Variants in GRK3 observed in about 807,000 individuals in gnomAD.
The protein encoded by GRK3 is G protein-coupled receptor kinase 3.
Under a neutral mutation model 95.7 loss-of-function variants are expected in GRK3, and 54 were observed. The ratio of observed to expected loss-of-function variants is 0.56; its 90% CI spans 0.45 to 0.71. The LOEUF is 0.71. GRK3 is among the 30% of genes least tolerant of loss of function. The pLI, the probability that GRK3 is intolerant of heterozygous loss-of-function variation, is 0.00. For synonymous variants in GRK3, 281 were observed against 290.8 expected, an observed-to-expected ratio of 0.97 and a Z score of 0.34; for missense variants, 649 against 851.2, an observed-to-expected ratio of 0.76 and a Z score of 2.96.
chr22:25,626,209 G>T (rs913996308), intron 2 of GRK3, among the ~76,000 whole-genome samples: 2 of 152,174 alleles, frequency 1.3e-5, no homozygotes, highest in South Asian at 4.1e-4. Context: ...GATTACAGGC[G>T]TGAGCCACCG....
chr22:25,693,358 C>G (rs1402303084), intron 12 of GRK3, among the ~76,000 whole-genome samples: 1 of 152,180 alleles, frequency 6.6e-6, no homozygotes, highest in Non-Finnish European at 1.5e-5. Flanking sequence ...GGTCTGCATT[C>G]ATTTATCTTA....
Position 25,722,446 on chromosome 22 carries a change from T to C in GRK3, c.2063T>C (p.Leu688Pro). Residue 688 changes from leucine (L) to proline (P), a missense_variant, in exon 21 of 21, where the codon CTC becomes CCC. By Grantham distance (98) the Leu-to-Pro change is moderately conservative (BLOSUM62 -3). This residue lies in a region of GRK3 where 382 missense variants were observed against 493.8 expected (regional missense o/e 0.77). Transcript: ENST00000324198. ...PSLCHRNSNG[L>P] ...CTCTGTCACAGAAACAGCAACGGCC[T>C]CTAGCACCCAGAAACAGGGAGGGTC... The C allele has an allele frequency of 2.5e-6, 4 of 1,613,964 alleles. No homozygotes were observed. The highest frequency in any genetic ancestry group is 3.4e-6 in the Non-Finnish European group (4 of 1,179,898).
intron 17 of GRK3, among the ~76,000 whole-genome samples, chr22:25,713,647 A>G (rs906257455): frequency 1.3e-5 from 2 of 152,254 alleles, no homozygotes; most frequent in African/African-American, 4.8e-5. Flanking sequence ...CAGGCTTGCT[A>G]GTATTTCTGC....
chr22:25,666,237 A>T (rs2084940988), intron 5 of GRK3, among the ~76,000 whole-genome samples: 1 of 152,228 alleles, frequency 6.6e-6, no homozygotes, highest in Non-Finnish European at 1.5e-5. Context: ...GATGTTTGAT[A>T]AAATATGAAA....
At chr22:25,647,969 A>C (rs976161588) in intron 3 of GRK3, among the ~76,000 whole-genome samples, 7 of 151,996 alleles carry the variant, frequency 4.6e-5, no homozygotes, top group African/African-American at 1.7e-4. Flanking sequence ...GTACAAAATT[A>C]GCTGGACGTG....
intron 15 of GRK3, among the ~76,000 whole-genome samples, chr22:25,707,813 A>C (rs553192178): frequency 6.6e-6 from 1 of 152,270 alleles, no homozygotes. Context: ...GGTGGGCAGG[A>C]CTAGAGGTCA....
chr22:25,697,830 A>G (rs1251306567), intron 13 of GRK3, among the ~76,000 whole-genome samples: 5 of 152,226 alleles, frequency 3.3e-5, no homozygotes, highest in Non-Finnish European at 7.3e-5. Context: ...GAATCTTTCC[A>G]GTGCTTGATA....
chr22:25,575,348 C>T (rs1017896826), intron 1 of GRK3, among the ~76,000 whole-genome samples: 4 of 152,200 alleles, frequency 2.6e-5, no homozygotes, highest in African/African-American at 7.2e-5. Context: ...CAGATAGAAA[C>T]AGCAGGGCAA....
chr22:25,628,804 T>A (rs1219983726), intron 2 of GRK3, among the ~76,000 whole-genome samples: 2 of 152,126 alleles, frequency 1.3e-5, no homozygotes, highest in Non-Finnish European at 2.9e-5. Flanking sequence ...GCATGAGGCT[T>A]TTCTCCATGC....
chr22:25,565,373 C>T (rs532240377), intron 1 of GRK3, among the ~76,000 whole-genome samples: 1 of 152,246 alleles, frequency 6.6e-6, no homozygotes, highest in South Asian at 2.1e-4. Flanking sequence ...TCCAAAGTGC[C>T]CGGCGCGGCG....
intron 16 of GRK3, 23 bp from the exon 17 acceptor site, chr22:25,711,045 C>T (rs937228092): frequency 4.6e-6 from 7 of 1,515,140 alleles, no homozygotes; most frequent in Non-Finnish European, 5.5e-6. Flanking sequence ...GAAAACTGTA[C>T]CATGCTTGTT....
At chr22:25,575,708 A>G (rs113506878) in intron 1 of GRK3, among the ~76,000 whole-genome samples, 2,990 of 152,328 alleles carry the variant, frequency 0.02, 44 homozygotes, top group Non-Finnish European at 0.028. Flanking sequence ...TAGTTTTTAC[A>G]ATTATGCTTG....
chr22:25,704,119 T>C lies in GRK3; in HGVS notation c.1238T>C (p.Leu413Pro), dbSNP rs770911641. 6.2e-7 allele frequency: 1 copy of C among 1,611,236 alleles called. No individual in the cohort carries two copies. The highest frequency in any genetic ancestry group is 8.5e-7 in the Non-Finnish European group (1 of 1,178,606). ...DRMTLTVNVE[L>P]PDTFSPELKS... ...TCGTCTTTTCCCCAGAATGTGGAAC[T>C]TCCAGACACCTTCTCTCCTGAACTG... The change falls in exon 15 of 21, where the codon CTT becomes CCT. Residue 413 changes from leucine to proline, a missense_variant. Around this residue, in one of 3 missense-constraint regions of GRK3, gnomAD observed 382 missense variants for 493.8 expected, o/e 0.77. Coordinates refer to ENST00000324198, the MANE Select transcript of GRK3 (RefSeq NM_005160.4).
In GRK3 at chr22:25,685,336, A is replaced by T. The variant is rs1038327120; in HGVS notation, c.826+88A>T. 4.4e-5 allele frequency: 44 copies of T among 1,005,786 alleles called. No homozygotes were observed. In the East Asian group the frequency reaches 7.9e-4, roughly 18 times the overall value. 62.3% of individuals were successfully genotyped at this position (1,005,786 alleles called of 1,614,324 possible). On this transcript the variant is annotated intron_variant, in intron 10 of 20. Coordinates refer to ENST00000324198, the MANE Select transcript of GRK3 (RefSeq NM_005160.4). ...ATGCATTAATCTAGGCAGACTGGCA[A>T]TGTGGGTCTTTCAGGTAATTAGGTT...
At chr22:25,686,341 T>C (rs577414691) in intron 10 of GRK3, among the ~76,000 whole-genome samples, 1 of 152,252 alleles carries the variant, frequency 6.6e-6, no homozygotes, top group South Asian at 2.1e-4. Context: ...ACCCTGCTTA[T>C]GTGACTGCCA....
chr22:25,656,742 A>G (rs2084874458), intron 3 of GRK3, among the ~76,000 whole-genome samples: 1 of 152,226 alleles, frequency 6.6e-6, no homozygotes, highest in South Asian at 2.1e-4. Context: ...GACAAGAAAC[A>G]AATAATAAAC....
chr22:25,611,152 G>A (rs866330272), intron 2 of GRK3, among the ~76,000 whole-genome samples: 2 of 152,214 alleles, frequency 1.3e-5, no homozygotes, highest in Non-Finnish European at 2.9e-5. Context: ...ATGAGCCACG[G>A]TGTCCGGCCT....
intron 2 of GRK3, among the ~76,000 whole-genome samples, chr22:25,637,180 C>CA (rs61172704): frequency 0.2 from 30,905 of 152,106 alleles, 6,453 homozygotes; most frequent in African/African-American, 0.54. Flanking sequence ...TTGATACTAG[C>CA]GCCTTTTCCT....
chr22:25,703,871 A>G (rs1408560778), intron 14 of GRK3, among the ~76,000 whole-genome samples: 2 of 152,196 alleles, frequency 1.3e-5, no homozygotes, highest in Admixed American at 1.3e-4. Flanking sequence ...GAAAAGGAGA[A>G]ATTACTGAGA....
Sources: allele counts gnomAD v4.1 joint callset (sites outside exome capture counted in the v4.1 genomes callset), GRCh38; gene constraint gnomAD v4.1.1; regional missense constraint gnomAD v4.1.1; transcripts MANE v1.5; gene names NCBI Gene and HGNC (gene_info 2026-07-23, HGNC 2026-07-21).